ESPNL: variants seen among roughly 807,000 people sequenced by gnomAD.
ESPNL encodes espin-like protein.
Under a neutral mutation model 46.8 loss-of-function variants are expected in ESPNL, and 49 were observed. The observed-to-expected ratio is 1.05, with a 90% confidence interval of 0.83 to 1.33. ESPNL has a LOEUF of 1.33. Ranked by LOEUF, ESPNL falls within the 40% of genes most tolerant of loss-of-function variation. ESPNL has a pLI of 0.00. For synonymous variants in ESPNL, 664 were observed against 662.1 expected, an observed-to-expected ratio of 1.00 and a Z score of -0.04; for missense variants, 1,540 against 1,436.6, an observed-to-expected ratio of 1.07 and a Z score of -1.16.
chr2:238,127,618 G>A lies in ESPNL; in HGVS notation c.1103-4G>A. On this transcript the variant is annotated splice_polypyrimidine_tract_variant and splice_region_variant and intron_variant, in intron 6 of 8. Coordinates refer to ENST00000343063, the MANE Select transcript of ESPNL (RefSeq NM_194312.4). ...TTCTGCAACACCCTTCTTCTTCTTG[G>A]CAGCCATGTCCCTCAGCCCGGCCTG... is the stretch of plus-strand genomic sequence containing the variant. 6.2e-7 allele frequency: 1 copy of A among 1,600,506 alleles called. No homozygotes were observed.
At chr2:238,129,580 T>C (rs939329304) in intron 8 of ESPNL, among the ~76,000 whole-genome samples, 4 of 152,152 alleles carry the variant, frequency 2.6e-5, no homozygotes, top group African/African-American at 7.2e-5. Context: ...GGCTGTGATG[T>C]GCCTTGGATT....
At chr2:238,116,715 G>A (rs1440714417) in intron 4 of ESPNL, among the ~76,000 whole-genome samples, 188 bp from the exon 5 acceptor site, 1 of 152,120 alleles carries the variant, frequency 6.6e-6, no homozygotes, top group East Asian at 1.9e-4. Flanking sequence ...GGGTGGCTGT[G>A]GGATGAGGCT....
At chr2:238,120,697 C>T (rs779306253) in intron 5 of ESPNL, among the ~76,000 whole-genome samples, 1 of 152,252 alleles carries the variant, frequency 6.6e-6, no homozygotes, top group Non-Finnish European at 1.5e-5. Flanking sequence ...TCTCCGTCTT[C>T]TCCCTCTGGG....
chr2:238,100,671 C>A lies in ESPNL; in HGVS notation c.252C>A (p.Ala84=). The change falls in exon 1 of 9, where the codon GCC becomes GCA. Residue 84 remains alanine (A), a synonymous_variant. Coordinates refer to ENST00000343063, the MANE Select transcript of ESPNL (RefSeq NM_194312.4). The part of the protein sequence containing the change: ...AHDAAATGSL[A]ELCWLVREGG... ...ACGCCGCTGCCACGGGCAGCCTGGC[C>A]GAGCTGTGCTGGCTGGTCCGCGAGG... 6.9e-7 allele frequency: 1 copy of A among 1,448,356 alleles called. No individual in the cohort carries two copies. Among genetic ancestry groups the A allele is most frequent in the Non-Finnish European group, 9.0e-7 (1 of 1,109,124 alleles). 89.7% of individuals were successfully genotyped at this position (1,448,356 alleles called of 1,614,324 possible).
In ESPNL at chr2:238,100,719, CG is replaced by C; in HGVS notation, c.294+10del. On this transcript the variant is annotated splice_region_variant and intron_variant, in intron 1 of 8. Transcript: ENST00000343063. ...AGGGGGGCTGCGGTCTGCAGGTGAG[CG>C]GGGATGGGGCAGCCTGGCTCCACGA... 7.1e-7 allele frequency: 1 copy of C among 1,411,632 alleles called. No homozygotes were observed. Among genetic ancestry groups the C allele is most frequent in the South Asian group, 1.6e-5 (1 of 64,112 alleles). 87.4% of individuals were successfully genotyped at this position (1,411,632 alleles called of 1,614,324 possible).
At position 238,100,503 on chromosome 2, in the gene ESPNL, C is replaced by T. The variant is rs910465953; in HGVS notation, c.84C>T (p.Gly28=). 6.3e-6 allele frequency: 10 copies of T among 1,597,616 alleles called. No individual in the cohort carries two copies. The highest frequency in any genetic ancestry group is 7.7e-6 in the Non-Finnish European group (9 of 1,175,100). Residue 28 remains glycine (G), a synonymous_variant, in exon 1 of 9, where the codon GGC becomes GGT. Coordinates refer to ENST00000343063, the MANE Select transcript of ESPNL (RefSeq NM_194312.4). ...GGCTGCTGGAGGCTGGCGCCCTGGG[C>T]CCGGGCATCACCGATGCTCTGGGGG... ...LERLLEAGAL[G]PGITDALGAG...
At chr2:238,107,754 G>A (rs1176948657) in intron 3 of ESPNL, 37 bp from the exon 4 acceptor site, 12 of 1,530,830 alleles carry the variant, frequency 7.8e-6, no homozygotes, top group East Asian at 2.4e-5. Context: ...CCTCCTCCCT[G>A]GGAGGATGGC....
chr2:238,125,345 G>T lies in ESPNL; in HGVS notation c.1063G>T (p.Asp355Tyr). The change falls in exon 6 of 9, where the codon GAT becomes TAT. Residue 355 changes from aspartate (D) to tyrosine (Y), a missense_variant. By Grantham distance (160) the Asp-to-Tyr change is radical. Transcript: ENST00000343063. ...PLLATRRSLE[D>Y]GRRGGPGPGN... ...GTTGGCCACGAGGCGCTCCCTGGAG[G>T]ATGGAAGAAGAGGAGGCCCAGGGCC... The T allele has an allele frequency of 6.4e-7, 1 of 1,573,666 alleles. No homozygotes were observed. Among genetic ancestry groups the T allele is most frequent in the Non-Finnish European group, 8.6e-7 (1 of 1,159,980 alleles).
Position 238,127,634 on chromosome 2 carries a change from G to T in ESPNL, c.1115G>T (p.Ser372Ile), listed in dbSNP as rs1692169842. The change falls in exon 7 of 9, where the codon AGC becomes ATC. Residue 372 changes from serine to isoleucine, a missense_variant. Ser to Ile is a moderately radical substitution (Grantham distance 142). Transcript: ENST00000343063. The stretch of plus-strand genomic sequence containing the variant: ...TTCTTCTTGGCAGCCATGTCCCTCA[G>T]CCCGGCCTGGCCTGGCCATCCTGAC... The part of the protein sequence containing the change: ...GPGNPSPMSL[S>I]PAWPGHPDQP... 1 of 1,607,292 alleles carries T rather than the reference G, an allele frequency of 6.2e-7. No homozygotes were observed. The highest frequency in any genetic ancestry group is 1.3e-5 in the African/African-American group (1 of 74,930).
At chr2:238,120,000 G>A (rs116461333) in intron 5 of ESPNL, among the ~76,000 whole-genome samples, 2,197 of 152,292 alleles carry the variant, frequency 0.014, 48 homozygotes, top group African/African-American at 0.049. Context: ...GGTGGCCTCC[G>A]GGGAGCACGG....
rs986352537 is a variant in ESPNL at position 238,132,359 on chromosome 2, G to A, written c.*627G>A. Reference sequence around the variant, plus strand: ...CTCCGGAGGCCCTGCTTCCTCAAAGGAGGCTCCCCATGGGGCCCCTGTCCT... The same window carrying A: ...CTCCGGAGGCCCTGCTTCCTCAAAGAAGGCTCCCCATGGGGCCCCTGTCCT... On this transcript the variant is annotated 3_prime_UTR_variant, in exon 9 of 9. Transcript: ENST00000343063. 1 of 152,670 alleles carries A rather than the reference G, an allele frequency of 6.6e-6. No homozygotes were observed. The highest frequency in any genetic ancestry group is 1.5e-5 in the Non-Finnish European group (1 of 68,386). 9.5% of individuals were successfully genotyped at this position (152,670 alleles called of 1,614,324 possible). A position where few individuals can be genotyped will look rare whatever the true frequency, so the allele number is the denominator to read the frequency against.
At chr2:238,104,918 ATGGG>A in intron 3 of ESPNL, 76 bp downstream of exon 3, 4 of 1,299,598 alleles carry the variant, frequency 3.1e-6, no homozygotes, top group East Asian at 2.8e-5. Context: ...TGGAGCCTGG[ATGGG>A]GGCTCCAGAG....
chr2:238,117,868 A>T (rs1428615291), intron 5 of ESPNL, among the ~76,000 whole-genome samples: 2 of 152,044 alleles, frequency 1.3e-5, no homozygotes, highest in African/African-American at 4.8e-5. Flanking sequence ...AGAGGGATAC[A>T]TGGAGGGGGG....
intron 5 of ESPNL, among the ~76,000 whole-genome samples, chr2:238,122,887 C>T (rs1692018718): frequency 6.6e-6 from 1 of 152,226 alleles, no homozygotes; most frequent in Admixed American, 6.5e-5. Flanking sequence ...GCTTTTCTGG[C>T]CGCGTCTGGT....
At chr2:238,129,045 T>C in intron 8 of ESPNL, 141 bp downstream of exon 8, 2 of 1,432,132 alleles carry the variant, frequency 1.4e-6, no homozygotes, top group Non-Finnish European at 1.8e-6. Flanking sequence ...AGCTGCTGCT[T>C]CCGCCGGAGG....
In ESPNL at chr2:238,117,135, C is replaced by T. The variant is rs553479206; in HGVS notation, c.987+101C>T. ...ACCTGCAGCATAGTCAGCTGGGAAG[C>T]TCACCATGTCCAACTCATACATGGC... On this transcript the variant is annotated intron_variant, in intron 5 of 8. Transcript: ENST00000343063. 3 of 1,429,858 alleles carry T rather than the reference C, an allele frequency of 2.1e-6. No individual in the cohort carries two copies. The East Asian group carries it at 7.5e-5, about 36-fold the overall frequency. 88.6% of individuals were successfully genotyped at this position (1,429,858 alleles called of 1,614,324 possible). A position where few individuals can be genotyped will look rare whatever the true frequency, so the allele number is the denominator to read the frequency against.
intron 3 of ESPNL, among the ~76,000 whole-genome samples, chr2:238,106,622 C>T (rs1691604615): frequency 6.6e-6 from 1 of 152,258 alleles, no homozygotes; most frequent in African/African-American, 2.4e-5. Context: ...CAGTTCTGAC[C>T]CATTCACTCC....
In ESPNL at chr2:238,133,075, A is replaced by G. The variant is rs1209797726; in HGVS notation, c.*1343A>G. ...TAGGGCCCAAGGGGACGGACACTCAAGAAGATGTAAAATTGGGAGGGGTGG... is the reference window on the plus strand; with the variant it reads ...TAGGGCCCAAGGGGACGGACACTCAGGAAGATGTAAAATTGGGAGGGGTGG... On this transcript the variant is annotated 3_prime_UTR_variant, in exon 9 of 9. Transcript: ENST00000343063. 1 of 152,136 alleles carries G rather than the reference A, an allele frequency of 6.6e-6. No individual in the cohort carries two copies. Among genetic ancestry groups the G allele is most frequent in the Non-Finnish European group, 1.5e-5 (1 of 68,020 alleles). The allele number at this position is 152,136 out of a possible 1,614,324, so 9.4% of individuals were successfully genotyped here.
In ESPNL at chr2:238,130,596, A is replaced by C. The variant is rs113221174; in HGVS notation, c.1882A>C (p.Thr628Pro). The C allele has an allele frequency of 9.6e-6, 15 of 1,568,462 alleles. No individual in the cohort carries two copies. The highest frequency in any genetic ancestry group is 3.3e-4 in the Middle Eastern group (2 of 5,986). Reference sequence around the variant, plus strand: ...GCCATCCACCCGGCCCCTGCAGGACACCTGCAGGGAGGCCTCGGCCAGCCC... The same window carrying C: ...GCCATCCACCCGGCCCCTGCAGGACCCCTGCAGGGAGGCCTCGGCCAGCCC... ...EKPSTRPLQD[T>P]CREASASPPR... The change falls in exon 9 of 9, where the codon ACC (threonine) becomes CCC (proline). Residue 628 changes from threonine (T) to proline (P), a missense_variant. Physicochemically the swap from Thr to Pro is conservative, Grantham distance 38 (BLOSUM62 -1). Coordinates refer to ENST00000343063, the MANE Select transcript of ESPNL (RefSeq NM_194312.4).
Sources: allele counts gnomAD v4.1 joint callset (sites outside exome capture counted in the v4.1 genomes callset), GRCh38; gene constraint gnomAD v4.1.1; transcripts MANE v1.5; gene names NCBI Gene and HGNC (gene_info 2026-07-23, HGNC 2026-07-21).